The following TESK2 variants were observed in gnomAD, a reference collection of about 807,000 sequenced individuals.
TESK2 encodes the protein testis associated actin remodelling kinase 2.
In TESK2, 39 loss-of-function variants were observed where a neutral mutation model predicts 57.1. That is an observed-to-expected ratio of 0.68 (90% confidence interval 0.53 to 0.89). TESK2 has a LOEUF of 0.89. Ranked by LOEUF, TESK2 falls within the 40% of genes least tolerant of loss-of-function variation. TESK2 has a pLI of 0.00. For missense variants in TESK2, 646 were observed against 732.1 expected (o/e 0.88, Z 1.36); for synonymous variants, 249 against 267.9 (o/e 0.93, Z 0.69).
chr1:45,432,745 T>C (rs996670479), intron 2 of TESK2, among the ~76,000 whole-genome samples: 1 of 147,398 alleles, frequency 6.8e-6, no homozygotes, highest in Non-Finnish European at 1.5e-5. Flanking sequence ...TACTCTCCTA[T>C]TGAATATTAT....
intron 1 of TESK2, among the ~76,000 whole-genome samples, chr1:45,487,897 A>G (rs1036846929): frequency 1.3e-5 from 2 of 151,218 alleles, no homozygotes; most frequent in African/African-American, 2.4e-5. Context: ...AGGACCCTCA[A>G]TGTGGTCAAC....
At position 45,399,834 on chromosome 1, in the gene TESK2, C is replaced by T. The variant is rs182683913; in HGVS notation, c.345-13874G>A. Among the ~76,000 whole-genome samples, 40 of 152,200 alleles carry T rather than the reference C, an allele frequency of 2.6e-4. 1 individual carries two copies. Among genetic ancestry groups the T allele is most frequent in the Admixed American group, 1.2e-3 (19 of 15,286 alleles). On this transcript the variant is annotated intron_variant, in intron 3 of 10. Coordinates refer to ENST00000372086, the MANE Select transcript of TESK2 (RefSeq NM_007170.3). The stretch of plus-strand genomic sequence containing the variant: ...GCAGTCTCCAAAATGGGTAATGAGC[C>T]GCATTATCCGTTGGAGTATGGGAAG...
chr1:45,354,770 C>T (rs369373509), intron 5 of TESK2, among the ~76,000 whole-genome samples: 1 of 100,600 alleles, frequency 9.9e-6, no homozygotes, highest in Non-Finnish European at 1.8e-5. Context: ...GCCTGAGTGA[C>T]AAGGTGAGAC....
chr1:45,391,650 T>C (rs1293999581), intron 3 of TESK2, among the ~76,000 whole-genome samples: 1 of 152,196 alleles, frequency 6.6e-6, no homozygotes, highest in Non-Finnish European at 1.5e-5. Context: ...CTTCCTTGAA[T>C]TGGAATACTA....
Position 45,345,205 on chromosome 1 carries a change from T to C in TESK2, c.1351A>G (p.Ile451Val), listed in dbSNP as rs761755124. ...CCAGGCAAGGAACGCCACCGGCGAA[T>C]AGGTGGGGCCAGGGGCTCCTGCCAG... ...ADWQEPLAPPIRRWRSLPGSP... is the reference protein window; with the variant it reads ...ADWQEPLAPPVRRWRSLPGSP... Residue 451 changes from isoleucine to valine, a missense_variant, in exon 11 of 11, where the codon ATT (isoleucine) becomes GTT (valine). Transcript: ENST00000372086. The C allele has an allele frequency of 5.0e-6, 8 of 1,614,042 alleles. No individual in the cohort carries two copies. The highest frequency in any genetic ancestry group is 1.7e-5 in the Admixed American group (1 of 60,008).
At chr1:45,459,405 T>C (rs1652246195) in intron 1 of TESK2, among the ~76,000 whole-genome samples, 1 of 152,206 alleles carries the variant, frequency 6.6e-6, no homozygotes, top group South Asian at 2.1e-4. Flanking sequence ...CTGAATCTAG[T>C]TAATCTAGTT....
chr1:45,388,525 T>C (rs1648990754), intron 3 of TESK2, among the ~76,000 whole-genome samples: 1 of 152,182 alleles, frequency 6.6e-6, no homozygotes, highest in Non-Finnish European at 1.5e-5. Flanking sequence ...TGGTATTATC[T>C]ATGGCTTCTT....
chr1:45,344,985 A>C lies in TESK2; in HGVS notation c.1571T>G (p.Phe524Cys). ...ACTGGTCCCCTGGGGCCTGGACCCAAAACCATTTTCTTCCTGGAGAATGGA... is the reference window on the plus strand; with the variant it reads ...ACTGGTCCCCTGGGGCCTGGACCCACAACCATTTTCTTCCTGGAGAATGGA... ...DCSILQEENG[F>C]GSRPQGTSPC... Residue 524 changes from phenylalanine (F) to cysteine (C), a missense_variant, in exon 11 of 11, where the codon TTT (phenylalanine) becomes TGT (cysteine). By Grantham distance (205) the Phe-to-Cys change is radical. Coordinates refer to ENST00000372086, the MANE Select transcript of TESK2 (RefSeq NM_007170.3). The C allele has an allele frequency of 6.2e-7, 1 of 1,614,256 alleles. No individual in the cohort carries two copies. Among genetic ancestry groups the C allele is most frequent in the Non-Finnish European group, 8.5e-7 (1 of 1,180,044 alleles).
chr1:45,427,447 A>C lies in TESK2; in HGVS notation c.223-5601T>G, dbSNP rs111722414. Among the ~76,000 whole-genome samples the C allele has an allele frequency of 8.4e-3, 1,275 of 152,308 alleles. 10 individuals carry two copies. Among genetic ancestry groups the C allele is most frequent in the Non-Finnish European group, 0.012 (819 of 68,022 alleles). On this transcript the variant is annotated intron_variant, in intron 2 of 10. Coordinates refer to ENST00000372086, the MANE Select transcript of TESK2 (RefSeq NM_007170.3). ...GAAGGGAAATCGGTATGTCAAATAC[A>C]TATCTGCACTTCCATGTTTATTGTA...
rs1265936469 is a variant in TESK2, at chr1:45,457,624, C to T, written c.162G>A (p.Thr54=). The stretch of plus-strand genomic sequence containing the variant: ...TTTCACAGGTGAAATCATCCAAACG[C>T]GTCAGTCTGGAAAAGGCACTTATAA... ...RALISAFSRL[T]RLDDFTCEKI... is the part of the protein sequence containing the mutation. The change falls in exon 2 of 11, where the codon ACG becomes ACA. Residue 54 remains threonine, a synonymous_variant. Transcript: ENST00000372086. 11 of 1,613,938 alleles carry T rather than the reference C, an allele frequency of 6.8e-6. No homozygotes were observed. The highest frequency in any genetic ancestry group is 9.3e-6 in the Non-Finnish European group (11 of 1,180,020).
At chr1:45,370,473 T>C (rs1290018153) in intron 4 of TESK2, among the ~76,000 whole-genome samples, 3 of 152,294 alleles carry the variant, frequency 2.0e-5, no homozygotes, top group East Asian at 3.9e-4. Flanking sequence ...AATAAAACAA[T>C]CGTTGCCCTC....
At chr1:45,407,887 A>G (rs1477316359) in intron 3 of TESK2, among the ~76,000 whole-genome samples, 1 of 152,204 alleles carries the variant, frequency 6.6e-6, no homozygotes, top group Non-Finnish European at 1.5e-5. Flanking sequence ...ACAAAATTGT[A>G]AAATTCTTCT....
At position 45,466,203 on chromosome 1, in the gene TESK2, G is replaced by A. The variant is rs754320277; in HGVS notation, c.-86-8332C>T. ...CAAAAAATACAAAAATTGACCAGGC[G>A]CGGTGGCTCACACCTGTAATCCCAG... On this transcript the variant is annotated intron_variant, in intron 1 of 10. Transcript: ENST00000372086. 9.3e-4 allele frequency among the ~76,000 whole-genome samples: 142 copies of A among 152,068 alleles called. 1 individual carries two copies. Among genetic ancestry groups the A allele is most frequent in the Non-Finnish European group, 1.2e-3 (79 of 67,976 alleles).
Position 45,343,937 on chromosome 1 carries a change from CAA to C in TESK2, c.*901_*902del. On this transcript the variant is annotated 3_prime_UTR_variant, in exon 11 of 11. Coordinates refer to ENST00000372086, the MANE Select transcript of TESK2 (RefSeq NM_007170.3). The surrounding 1 kb of genome is among the most constrained non-coding windows in gnomAD (Gnocchi z 4.3). Reference sequence around the variant, plus strand: ...CTGAAAATGTCTTGGGAAAGTTTTACAAAAAAAAAAATCAACAGAAGCAAGTT... The same window carrying C: ...CTGAAAATGTCTTGGGAAAGTTTTACAAAAAAAAATCAACAGAAGCAAGTT... 20 of 341,900 alleles carry C rather than the reference CAA, an allele frequency of 5.8e-5. No individual in the cohort carries two copies. Among genetic ancestry groups the C allele is most frequent in the Middle Eastern group, 8.1e-4 (1 of 1,238 alleles). 21.2% of individuals were successfully genotyped at this position (341,900 alleles called of 1,614,324 possible). A position where few individuals can be genotyped will look rare whatever the true frequency, so the allele number is the denominator to read the frequency against.
chr1:45,456,906 G>A (rs1039910960), intron 2 of TESK2, among the ~76,000 whole-genome samples: 5 of 152,142 alleles, frequency 3.3e-5, no homozygotes, highest in African/African-American at 9.7e-5. Context: ...GAGGACTAGT[G>A]AGGAAATACT....
chr1:45,393,303 C>A (rs1415218174), intron 3 of TESK2, among the ~76,000 whole-genome samples: 1 of 152,136 alleles, frequency 6.6e-6, no homozygotes. Context: ...ACTCAAATAA[C>A]CATATCACAA....
chr1:45,487,676 A>G (rs776148729), intron 1 of TESK2, among the ~76,000 whole-genome samples: 1 of 152,148 alleles, frequency 6.6e-6, no homozygotes, highest in Non-Finnish European at 1.5e-5. Flanking sequence ...TTTGCTTCTT[A>G]TAACTCCCAG....
chr1:45,385,775 CATT>C, intron 4 of TESK2, 134 bp downstream of exon 4: 1 of 336,522 alleles, frequency 3.0e-6, no homozygotes, highest in Non-Finnish European at 5.6e-6. Context: ...CAGAATAAAG[CATT>C]ATTAACACTG....
chr1:45,467,873 C>A (rs1652616697), intron 1 of TESK2, among the ~76,000 whole-genome samples: 1 of 151,934 alleles, frequency 6.6e-6, no homozygotes, highest in South Asian at 2.1e-4. Context: ...TTATTTAAGT[C>A]CACAAACTTA....
Sources: gnomAD v4.1 joint callset for allele counts (sites outside exome capture counted in the v4.1 genomes callset) on GRCh38, gnomAD v4.1.1 for gene constraint, Gnocchi (gnomAD v3.1) non-coding constraint, MANE v1.5 for transcripts, NCBI Gene and HGNC (gene_info 2026-07-23, HGNC 2026-07-21) for gene names.